Variants in USP24 observed in about 807,000 individuals in gnomAD.
USP24 encodes ubiquitin specific peptidase 24, also known as ubiquitin carboxyl-terminal hydrolase 24.
USP24 carries 97 observed loss-of-function variants against 361.6 expected under a neutral mutation model. That is an observed-to-expected ratio of 0.27 (90% CI 0.23 to 0.32). The LOEUF (loss-of-function observed/expected upper bound fraction) is 0.32, where lower values mean the gene tolerates loss of function less well. USP24 is among the 10% of genes least tolerant of loss of function. USP24 has a pLI of 1.00. For synonymous variants in USP24, 1,098 were observed against 1,124.6 expected (o/e 0.98, Z 0.47); for missense variants, 2,353 against 3,165.6 (o/e 0.74, Z 6.16).
At chr1:55,189,867 A>T (rs1247920296) in intron 1 of USP24, among the ~76,000 whole-genome samples, 1 of 152,126 alleles carries the variant, frequency 6.6e-6, no homozygotes, top group Non-Finnish European at 1.5e-5. Context: ...AACAGCAATT[A>T]AAAAATATTA....
intron 21 of USP24, among the ~76,000 whole-genome samples, chr1:55,143,545 C>G (rs1161440258): frequency 6.6e-6 from 1 of 152,116 alleles, no homozygotes; most frequent in African/African-American, 2.4e-5. Flanking sequence ...ACAGTAGGAC[C>G]CAGGGCTTGT....
chr1:55,198,065 A>G (rs2100905369), intron 1 of USP24, among the ~76,000 whole-genome samples: 1 of 152,380 alleles, frequency 6.6e-6, no homozygotes, highest in East Asian at 1.9e-4. Context: ...TGCTCTTAAA[A>G]AAGTCATTCT....
At chr1:55,154,098 C>G (rs904840822) in intron 15 of USP24, 21 bp downstream of exon 15, 1 of 1,612,732 alleles carries the variant, frequency 6.2e-7, no homozygotes, top group Non-Finnish European at 8.5e-7. Flanking sequence ...ACAACAAAAT[C>G]AGATAAAAGC....
intron 7 of USP24, among the ~76,000 whole-genome samples, chr1:55,163,181 A>C (rs1390709727): frequency 2.0e-5 from 3 of 152,014 alleles, no homozygotes; most frequent in Non-Finnish European, 4.4e-5. Context: ...AAAATATGAA[A>C]GTATAAAAAG....
chr1:55,100,938 T>C lies in USP24; in HGVS notation c.5172A>G (p.Thr1724=). 6.2e-7 allele frequency: 1 copy of C among 1,612,402 alleles called. No homozygotes were observed. Among genetic ancestry groups the C allele is most frequent in the Non-Finnish European group, 8.5e-7 (1 of 1,179,472 alleles). ...AAAACACGCTATCATCTGGATTGTC[T>C]GTGTCATCATCCACTGAAAGTAATG... is the stretch of plus-strand genomic sequence containing the variant. ...PESLLSVDDD[T]DNPDDSVFYQ... Residue 1724 remains threonine, a synonymous_variant, in exon 44 of 68, where the codon ACA becomes ACG. Coordinates refer to ENST00000294383, the MANE Select transcript of USP24 (RefSeq NM_015306.3).
chr1:55,122,518 T>C (rs1277930103), intron 36 of USP24, among the ~76,000 whole-genome samples: 1 of 152,024 alleles, frequency 6.6e-6, no homozygotes, highest in Non-Finnish European at 1.5e-5. Flanking sequence ...ATTTAGAAGG[T>C]CCACCCTGGT....
chr1:55,214,916 G>T lies in USP24; in HGVS notation c.198C>A (p.Pro66=). Residue 66 remains proline, a synonymous_variant, in exon 1 of 68, where the codon CCC becomes CCA. Transcript: ENST00000294383. ...MDSGGGPSPG[P]GGGPRGDGGG... is the part of the protein sequence containing the mutation. ...CGCCGTCGCCCCGCGGGCCCCCGCCGGGCCCGGGGCTGGGGCCACCGCCGC... is the reference window on the plus strand; with the variant it reads ...CGCCGTCGCCCCGCGGGCCCCCGCCTGGCCCGGGGCTGGGGCCACCGCCGC... 2 of 1,297,752 alleles carry T rather than the reference G, an allele frequency of 1.5e-6. No individual in the cohort carries two copies. The highest frequency in any genetic ancestry group is 9.9e-7 in the Non-Finnish European group (1 of 1,014,956). The allele number at this position is 1,297,752 out of a possible 1,614,324, so 80.4% of individuals were successfully genotyped here.
chr1:55,172,232 C>T lies in USP24; in HGVS notation c.702+145G>A, dbSNP rs570636186. ...CTGAGAACACAAGATGGTTGCTCTG[C>T]TTTTAAAATAAAGACAAAGGATCCT... On this transcript the variant is annotated intron_variant, in intron 4 of 67. Transcript: ENST00000294383. The T allele has an allele frequency of 8.4e-5, 72 of 858,532 alleles. No homozygotes were observed. In the African/African-American group the frequency reaches 1.1e-3, roughly 13 times the overall value. 53.2% of individuals were successfully genotyped at this position (858,532 alleles called of 1,614,324 possible).
rs1372408881 is a variant in USP24, at chr1:55,125,692, A to G, written c.3702T>C (p.Gly1234=). 1.3e-6 allele frequency: 2 copies of G among 1,596,240 alleles called. No homozygotes were observed. The highest frequency in any genetic ancestry group is 1.7e-6 in the Non-Finnish European group (2 of 1,170,554). The change falls in exon 33 of 68, where the codon GGT becomes GGC. Residue 1234 remains glycine (G), a synonymous_variant. Coordinates refer to ENST00000294383, the MANE Select transcript of USP24 (RefSeq NM_015306.3). ...PSEVDYETRQ[G]VYSICLQLAR... ...CAAGCTGTAGACAGATGGAATAAACACCCTGCCTTGTTTCATAGTCTACTT... is the reference window on the plus strand; with the variant it reads ...CAAGCTGTAGACAGATGGAATAAACGCCCTGCCTTGTTTCATAGTCTACTT...
At chr1:55,075,268 T>C (rs1645002199) in intron 63 of USP24, among the ~76,000 whole-genome samples, 189 bp downstream of exon 63, 1 of 152,012 alleles carries the variant, frequency 6.6e-6, no homozygotes. Context: ...GAGAAATGTG[T>C]AGGGTGAGAA....
At chr1:55,196,825 T>C (rs1191949958) in intron 1 of USP24, among the ~76,000 whole-genome samples, 2 of 152,226 alleles carry the variant, frequency 1.3e-5, no homozygotes, top group Non-Finnish European at 2.9e-5. Context: ...AATGGGGAGC[T>C]GACCTCTGCC....
At chr1:55,111,064 A>C (rs959284407) in intron 38 of USP24, among the ~76,000 whole-genome samples, 2 of 152,094 alleles carry the variant, frequency 1.3e-5, no homozygotes, top group Admixed American at 1.3e-4. Flanking sequence ...AACATACATA[A>C]GCAGTTTAGT....
At chr1:55,071,221 G>T in intron 67 of USP24, 1 of 987,180 alleles carries the variant, frequency 1.0e-6, no homozygotes, top group Non-Finnish European at 1.2e-6. Context: ...TGCTGTTAAG[G>T]AAAGTTACAG....
chr1:55,201,894 A>G (rs559486385), intron 1 of USP24, among the ~76,000 whole-genome samples: 12 of 152,270 alleles, frequency 7.9e-5, no homozygotes, highest in African/African-American at 2.9e-4. Context: ...TTCCTACCCT[A>G]TCTCTGCCAA....
chr1:55,117,087 A>G (rs1338563467), intron 38 of USP24, among the ~76,000 whole-genome samples: 3 of 152,250 alleles, frequency 2.0e-5, no homozygotes, highest in African/African-American at 7.2e-5. Flanking sequence ...AAAGACCCAC[A>G]TGATTATCTC....
At position 55,178,711 on chromosome 1, in the gene USP24, AT is replaced by A. The variant is rs1557675699; in HGVS notation, c.325-580del. Among the ~76,000 whole-genome samples the A allele has an allele frequency of 6.2e-3, 918 of 148,816 alleles. 20 individuals carry two copies. Among genetic ancestry groups the A allele is most frequent in the African/African-American group, 0.021 (860 of 40,384 alleles). The stretch of plus-strand genomic sequence containing the variant: ...AATAAATAAATAAATAAATAAATAA[AT>A]AAATAAATAAATAAATAAAAAGAAC... On this transcript the variant is annotated intron_variant, in intron 1 of 67. Transcript: ENST00000294383.
rs149966420 is a variant in USP24, at chr1:55,190,711, G to A, written c.325-12579C>T. Among the ~76,000 whole-genome samples the A allele has an allele frequency of 5.8e-3, 884 of 152,180 alleles. 3 individuals are homozygous for A. The highest frequency in any genetic ancestry group is 6.6e-3 in the Non-Finnish European group (450 of 67,996). On this transcript the variant is annotated intron_variant, in intron 1 of 67. Coordinates refer to ENST00000294383, the MANE Select transcript of USP24 (RefSeq NM_015306.3). ...GCTCAGTGCTGAGGACAAAGATAAC[G>A]GACACAATTCTTGTCTTTAAAGAAA...
At chr1:55,132,167 T>C (rs1054407151) in intron 31 of USP24, among the ~76,000 whole-genome samples, 2 of 152,142 alleles carry the variant, frequency 1.3e-5, no homozygotes, top group Admixed American at 1.3e-4. Flanking sequence ...AAAATTCCTA[T>C]TTTGGAAGTG....
intron 54 of USP24, among the ~76,000 whole-genome samples, chr1:55,090,764 G>A (rs1645355967): frequency 6.6e-6 from 1 of 152,192 alleles, no homozygotes; most frequent in Admixed American, 6.5e-5. Flanking sequence ...ATAATGTGCA[G>A]GCACCTTACC....
Sources: gnomAD v4.1 joint callset for allele counts (sites outside exome capture counted in the v4.1 genomes callset) on GRCh38, gnomAD v4.1.1 for gene constraint, MANE v1.5 for transcripts, NCBI Gene and HGNC (gene_info 2026-07-23, HGNC 2026-07-21) for gene names.